The following BAIAP2L2 variants were observed in gnomAD, a reference collection of about 807,000 sequenced individuals.
BAIAP2L2 encodes the protein BAR/IMD domain containing adaptor protein 2 like 2, also known as BAR/IMD domain-containing adapter protein 2-like 2.
A neutral mutation model predicts 60.4 loss-of-function variants in BAIAP2L2; 65 were observed. The ratio of observed to expected loss-of-function variants is 1.08; its 90% CI spans 0.88 to 1.32. BAIAP2L2 has a LOEUF of 1.32. BAIAP2L2 is among the 40% of genes most tolerant of loss of function. The pLI, the probability that BAIAP2L2 is intolerant of heterozygous loss-of-function variation, is 0.00. For missense variants in BAIAP2L2, 836 were observed against 741.2 expected (o/e 1.13, Z -1.48); for synonymous variants, 344 against 301.7 (o/e 1.14, Z -1.45).
intron 3 of BAIAP2L2, 90 bp downstream of exon 3, chr22:38,108,165 G>T (rs1301409759): frequency 3.2e-6 from 4 of 1,263,468 alleles, no homozygotes; most frequent in Non-Finnish European, 3.4e-6. Context: ...GGGCTGAAAG[G>T]CCTGTGTCAG....
Position 38,109,134 on chromosome 22 carries a change from G to C in BAIAP2L2, c.126C>G (p.His42Gln). 2.5e-6 allele frequency: 4 copies of C among 1,611,702 alleles called. No homozygotes were observed. The highest frequency in any genetic ancestry group is 3.4e-6 in the Non-Finnish European group (4 of 1,178,840). The change falls in exon 2 of 14, where the codon CAC becomes CAG. Residue 42 changes from histidine to glutamine, a missense_variant and splice_region_variant. By Grantham distance (24) the His-to-Gln change is conservative. Coordinates refer to ENST00000381669, the MANE Select transcript of BAIAP2L2 (RefSeq NM_025045.6). The stretch of plus-strand genomic sequence containing the variant: ...TCGGTGGCCCGGGCAGGCACTCACC[G>C]TGGAAGGCACGCAGGTAGTTGTTGC... ...YLGNNYLRAF[H>Q]ALSEAAEVYF...
intron 12 of BAIAP2L2, 115 bp downstream of exon 12, chr22:38,086,127 G>A (rs2145917668): frequency 8.5e-7 from 1 of 1,181,146 alleles, no homozygotes; most frequent in South Asian, 1.3e-5. Flanking sequence ...AACAGACTGA[G>A]TGAGGCCAGG....
At chr22:38,109,902 C>G (rs1163252635) in intron 1 of BAIAP2L2, among the ~76,000 whole-genome samples, 2 of 150,818 alleles carry the variant, frequency 1.3e-5, no homozygotes, top group African/African-American at 4.9e-5. Context: ...TTCCACCTCA[C>G]AGGTGGGTGG....
chr22:38,096,896 C>T (rs1397085649), intron 7 of BAIAP2L2, 136 bp downstream of exon 7: 1 of 1,076,974 alleles, frequency 9.3e-7, no homozygotes, highest in Non-Finnish European at 1.3e-6. Context: ...ATGGAGATAG[C>T]AAAATAAAAT....
Position 38,098,121 on chromosome 22 carries a change from C to G in BAIAP2L2, c.407G>C (p.Cys136Ser). The G allele has an allele frequency of 6.2e-7, 1 of 1,610,694 alleles. No individual in the cohort carries two copies. The highest frequency in any genetic ancestry group is 8.5e-7 in the Non-Finnish European group (1 of 1,177,848). Residue 136 changes from cysteine (C) to serine (S), a missense_variant, in exon 6 of 14, where the codon TGC becomes TCC. Cys to Ser is a moderately radical substitution (Grantham distance 112). Transcript: ENST00000381669. ...YRHRAANLEKCMSELWRMERK... is the reference protein window; with the variant it reads ...YRHRAANLEKSMSELWRMERK... ...CTCCATGCGCCACAGCTCAGACATG[C>G]ACTTCTCCAGGTTGGCCGCTCGGTG...
At chr22:38,098,592 C>T in intron 4 of BAIAP2L2, 110 bp from the exon 5 acceptor site, 2 of 760,622 alleles carry the variant, frequency 2.6e-6, no homozygotes, top group Non-Finnish European at 2.1e-6. Flanking sequence ...TCCTAATATA[C>T]CAGGCACCTG....
At chr22:38,090,112 T>TTATTTTTTTTTA (rs1555964389) in intron 7 of BAIAP2L2, 1 of 89,198 alleles carries the variant, frequency 1.1e-5, no homozygotes, top group Admixed American at 1.3e-4. Context: ...TTTTTTTTTT[T>TTATTTTTTTTTA]TTTTTTTTTT....
chr22:38,086,138 T>C, intron 12 of BAIAP2L2, 104 bp downstream of exon 12: 2 of 1,270,342 alleles, frequency 1.6e-6, no homozygotes, highest in South Asian at 2.6e-5. Flanking sequence ...TGAGGCCAGG[T>C]AGGCGGGTCC....
At chr22:38,086,119 C>T (rs2086057725) in intron 12 of BAIAP2L2, 123 bp downstream of exon 12, 2 of 1,109,178 alleles carry the variant, frequency 1.8e-6, no homozygotes, top group African/African-American at 1.5e-5. Flanking sequence ...CACTGAGGAA[C>T]AGACTGAGTG....
intron 12 of BAIAP2L2, 134 bp downstream of exon 12, chr22:38,086,108 G>T: frequency 9.9e-7 from 1 of 1,013,292 alleles, no homozygotes; most frequent in Non-Finnish European, 1.5e-6. Flanking sequence ...ACCCCTCCCT[G>T]CACTGAGGAA....
At chr22:38,098,621 G>T (rs1488888074) in intron 4 of BAIAP2L2, 139 bp from the exon 5 acceptor site, 3 of 614,086 alleles carry the variant, frequency 4.9e-6, no homozygotes, top group African/African-American at 1.8e-5. Context: ...TCAGAGAAAC[G>T]GAGACAAGAA....
Position 38,108,263 on chromosome 22 carries a change from T to C in BAIAP2L2, c.206A>G (p.Gln69Arg), listed in dbSNP as rs200727530. 9.4e-5 allele frequency: 152 copies of C among 1,612,324 alleles called. 2 individuals are homozygous for C. The African/African-American group carries it at 1.8e-3, about 19-fold the overall frequency. ...GERALQSPTS[Q>R]ILGEILVQMS... ...TGGAGGGGGAGCCTCACCCAGAATC[T>C]GTGAGGTGGGGCTCTGCAGGGCACG... The change falls in exon 3 of 14, where the codon CAG becomes CGG. Residue 69 changes from glutamine to arginine, a missense_variant. Physicochemically the swap from Gln to Arg is conservative, Grantham distance 43 (BLOSUM62 1). Transcript: ENST00000381669.
intron 2 of BAIAP2L2, among the ~76,000 whole-genome samples, chr22:38,108,849 G>A (rs558850451): frequency 6.6e-6 from 1 of 152,114 alleles, no homozygotes; most frequent in East Asian, 1.9e-4. Context: ...CCCTGGGGCT[G>A]TGTGGGCCTG....
chr22:38,104,669 T>C (rs898601228), intron 4 of BAIAP2L2, among the ~76,000 whole-genome samples: 4 of 152,088 alleles, frequency 2.6e-5, no homozygotes, highest in African/African-American at 9.7e-5. Context: ...CTAATTGTTT[T>C]GTATTTTTAG....
Position 38,109,145 on chromosome 22 carries a change from GCAGGTAGTTGTTGCC to G in BAIAP2L2, c.100_114del (p.Gly34_Leu38del). On this transcript the variant is annotated inframe_deletion, in exon 2 of 14. Transcript: ENST00000381669. ...GGCAGGCACTCACCGTGGAAGGCAC[GCAGGTAGTTGTTGCC>G]CAGGTACACCAGGTTCTCCAGGGCG... 2 of 1,612,536 alleles carry G rather than the reference GCAGGTAGTTGTTGCC, an allele frequency of 1.2e-6. No individual in the cohort carries two copies. The highest frequency in any genetic ancestry group is 1.7e-6 in the Non-Finnish European group (2 of 1,179,324).
At chr22:38,110,392 G>A (rs2086818631) in intron 1 of BAIAP2L2, 83 bp downstream of exon 1, 1 of 1,384,238 alleles carries the variant, frequency 7.2e-7, no homozygotes, top group Non-Finnish European at 1.0e-6. Flanking sequence ...AGCCCCGGCT[G>A]GCCCTCCGTC....
chr22:38,085,263 G>C lies in BAIAP2L2; in HGVS notation c.*37C>G. ...CATTGCCAGCTCTGAACAGCCCCTG[G>C]GCAGGTGCACTGTGGGGTACGACCT... On this transcript the variant is annotated 3_prime_UTR_variant, in exon 14 of 14. Coordinates refer to ENST00000381669, the MANE Select transcript of BAIAP2L2 (RefSeq NM_025045.6). 6.3e-7 allele frequency: 1 copy of C among 1,596,638 alleles called. No individual in the cohort carries two copies. The highest frequency in any genetic ancestry group is 8.6e-7 in the Non-Finnish European group (1 of 1,164,954).
chr22:38,106,148 G>A (rs899152740), intron 4 of BAIAP2L2, among the ~76,000 whole-genome samples: 5 of 152,224 alleles, frequency 3.3e-5, no homozygotes, highest in Non-Finnish European at 7.3e-5. Context: ...ACATCCTAAA[G>A]TGCCCAAGGA....
chr22:38,104,706 C>T (rs1047536045), intron 4 of BAIAP2L2, among the ~76,000 whole-genome samples: 2 of 152,112 alleles, frequency 1.3e-5, no homozygotes, highest in Non-Finnish European at 2.9e-5. Context: ...CCGTGTTAGC[C>T]AGGATGGTCT....
Sources: allele counts gnomAD v4.1 joint callset (sites outside exome capture counted in the v4.1 genomes callset), GRCh38; gene constraint gnomAD v4.1.1; transcripts MANE v1.5; gene names NCBI Gene and HGNC (gene_info 2026-07-23, HGNC 2026-07-21).